PTPRA: variants seen among roughly 807,000 people sequenced by gnomAD.
PTPRA encodes the protein protein tyrosine phosphatase receptor type A.
In PTPRA, 25 loss-of-function variants were observed where a neutral mutation model predicts 104.8. The ratio of observed to expected loss-of-function variants is 0.24; its 90% CI spans 0.17 to 0.33. PTPRA has a LOEUF of 0.33. Among genes scored for constraint, PTPRA ranks in the 10% least tolerant of loss-of-function variants. The pLI is 1.00. For missense variants in PTPRA, 765 were observed against 1,015.3 expected, an observed-to-expected ratio of 0.75 and a Z score of 3.35; for synonymous variants, 323 against 368.9, an observed-to-expected ratio of 0.88 and a Z score of 1.43.
upstream of PTPRA, among the ~76,000 whole-genome samples, chr20:2,869,534 A>G (rs1297698585): frequency 2.0e-5 from 3 of 152,356 alleles, no homozygotes; most frequent in African/African-American, 7.2e-5. Context: ...CAGCAGGCCT[A>G]TGCCTACATG....
intron 3 of PTPRA, among the ~76,000 whole-genome samples, chr20:2,954,050 C>T (rs983309337): frequency 2.0e-5 from 3 of 149,446 alleles, no homozygotes; most frequent in East Asian, 2.0e-4. Context: ...GCTACGTCTA[C>T]AGGCATGTGC....
intron 9 of PTPRA, among the ~76,000 whole-genome samples, chr20:2,999,156 G>A (rs1388096711): frequency 6.6e-6 from 1 of 151,930 alleles, no homozygotes; most frequent in Non-Finnish European, 1.5e-5. Context: ...AAAGTACCTA[G>A]GAATGGATTT....
intron 2 of PTPRA, among the ~76,000 whole-genome samples, chr20:2,946,976 C>A (rs1158710320): frequency 6.6e-6 from 1 of 152,128 alleles, no homozygotes; most frequent in Non-Finnish European, 1.5e-5. Flanking sequence ...TTTTGGTTAA[C>A]ATGAGAAAGG....
chr20:2,966,668 C>G (rs2061957505), intron 5 of PTPRA, among the ~76,000 whole-genome samples: 1 of 152,106 alleles, frequency 6.6e-6, no homozygotes, highest in South Asian at 2.1e-4. Context: ...TAGAATAATC[C>G]TATGAATTAA....
chr20:3,007,299 A>C (rs763321870), intron 10 of PTPRA, 45 bp from the exon 11 acceptor site: 1 of 1,575,230 alleles, frequency 6.3e-7, no homozygotes, highest in Non-Finnish European at 8.7e-7. Context: ...GTTCTGTGAG[A>C]AATAAATTTT....
chr20:2,910,937 G>A, intron 1 of PTPRA, among the ~76,000 whole-genome samples: 1 of 49,468 alleles, frequency 2.0e-5, no homozygotes, highest in African/African-American at 6.4e-5. Flanking sequence ...TTTTTTTTTT[G>A]TAGAGATGTG....
intron 9 of PTPRA, among the ~76,000 whole-genome samples, chr20:2,990,914 T>C (rs1382547836): frequency 6.6e-6 from 1 of 151,928 alleles, no homozygotes; most frequent in African/African-American, 2.4e-5. Context: ...AATAACTAAC[T>C]ACAATATAGA....
chr20:2,884,117 C>T (rs957723737), intron 1 of PTPRA, among the ~76,000 whole-genome samples: 21 of 152,152 alleles, frequency 1.4e-4, no homozygotes, highest in Middle Eastern at 3.4e-3. Context: ...TATTGATATA[C>T]GACATTTGGC....
intron 3 of PTPRA, among the ~76,000 whole-genome samples, chr20:2,960,478 T>C (rs989897132): frequency 6.6e-5 from 10 of 152,094 alleles, no homozygotes; most frequent in Non-Finnish European, 1.2e-4. Context: ...CTCGATCTCC[T>C]GACCTCGTGA....
intron 5 of PTPRA, among the ~76,000 whole-genome samples, chr20:2,966,554 G>C (rs1000468482): frequency 6.6e-6 from 1 of 152,158 alleles, no homozygotes; most frequent in Non-Finnish European, 1.5e-5. Context: ...TGATGAGATA[G>C]GGGACTGCAG....
intron 1 of PTPRA, among the ~76,000 whole-genome samples, chr20:2,884,889 A>G (rs939686503): frequency 1.5e-4 from 22 of 150,064 alleles, no homozygotes; most frequent in African/African-American, 5.4e-4. Flanking sequence ...GGCTCACTGC[A>G]AGCTCTGCCT....
At chr20:3,011,177 G>C (rs944738155) in intron 11 of PTPRA, among the ~76,000 whole-genome samples, 1 of 152,226 alleles carries the variant, frequency 6.6e-6, no homozygotes, top group African/African-American at 2.4e-5. Context: ...ACAGTTATTA[G>C]TAGGCAGAGT....
intron 1 of PTPRA, among the ~76,000 whole-genome samples, chr20:2,882,443 C>CT (rs1287205680): frequency 1.3e-5 from 2 of 151,554 alleles, no homozygotes; most frequent in East Asian, 3.9e-4. Flanking sequence ...GCATGCACCA[C>CT]CATACCTATT....
At chr20:2,906,434 G>C (rs1440483280) in intron 1 of PTPRA, among the ~76,000 whole-genome samples, 1 of 152,180 alleles carries the variant, frequency 6.6e-6, no homozygotes, top group East Asian at 1.9e-4. Flanking sequence ...TAAAGGGCCA[G>C]ATAGTAAATA....
chr20:2,910,390 T>A (rs1437131579), intron 1 of PTPRA, among the ~76,000 whole-genome samples: 7 of 104,876 alleles, frequency 6.7e-5, no homozygotes, highest in Admixed American at 5.2e-4. Flanking sequence ...ATTATATATT[T>A]TATATATAAT....
chr20:2,891,762 A>G (rs2058800139), intron 1 of PTPRA, among the ~76,000 whole-genome samples: 1 of 152,086 alleles, frequency 6.6e-6, no homozygotes, highest in Non-Finnish European at 1.5e-5. Context: ...CCCCATGGAG[A>G]TCAAAATCCA....
chr20:2,901,159 CAG>C (rs941460129), intron 1 of PTPRA, among the ~76,000 whole-genome samples: 4 of 152,014 alleles, frequency 2.6e-5, no homozygotes, highest in Non-Finnish European at 4.4e-5. Flanking sequence ...TTGGTAGAGA[CAG>C]GGTTTCACCA....
In PTPRA at chr20:2,982,191, AGCGATTCTCCTG is replaced by A. The variant is rs2062705131; in HGVS notation, c.443-4573_443-4562del. On this transcript the variant is annotated intron_variant, in intron 6 of 23. Coordinates refer to ENST00000399903, the MANE Select transcript of PTPRA (RefSeq NM_001385305.1). ...CTGAAACCTCCGCCTCCTGGGTACA[AGCGATTCTCCTG>A]CCTCAGCCTCCTGAGTAGCTGGGAC... 2.0e-5 allele frequency among the ~76,000 whole-genome samples: 3 copies of A among 151,642 alleles called. No individual in the cohort carries two copies. The South Asian group carries it at 6.3e-4, about 32-fold the overall frequency.
chr20:2,971,736 G>A lies in PTPRA; in HGVS notation c.416-3479G>A, dbSNP rs868426412. ...TAATGAGCGTTTATGTTAGGAATGG[G>A]TGTTAAATTTTGCCAGTTGCCTGTT... On this transcript the variant is annotated intron_variant, in intron 5 of 23. Transcript: ENST00000399903. Among the ~76,000 whole-genome samples the A allele has an allele frequency of 2.6e-5, 4 of 152,282 alleles. 1 individual carries two copies. The highest frequency in any genetic ancestry group is 3.4e-3 in the Middle Eastern group (1 of 294).
Sources: gnomAD v4.1 joint callset for allele counts (sites outside exome capture counted in the v4.1 genomes callset) on GRCh38, gnomAD v4.1.1 for gene constraint, MANE v1.5 for transcripts, NCBI Gene and HGNC (gene_info 2026-07-23, HGNC 2026-07-21) for gene names.